The following CWC27 variants were observed in gnomAD, a reference collection of about 807,000 sequenced individuals.
CWC27 encodes the protein CWC27 spliceosome associated cyclophilin.
Under a neutral mutation model 63.6 loss-of-function variants are expected in CWC27, and 47 were observed. The ratio of observed to expected loss-of-function variants is 0.74; its 90% CI spans 0.58 to 0.94. The LOEUF (loss-of-function observed/expected upper bound fraction) is 0.94, where lower values mean the gene tolerates loss of function less well. Ranked by LOEUF, CWC27 falls within the 40% of genes least tolerant of loss-of-function variation. CWC27 has a pLI of 0.00. For missense variants in CWC27, 495 were observed against 554.3 expected, an observed-to-expected ratio of 0.89 and a Z score of 1.07; for synonymous variants, 175 against 179.8, an observed-to-expected ratio of 0.97 and a Z score of 0.22.
intron 11 of CWC27, among the ~76,000 whole-genome samples, chr5:64,962,250 G>T (rs957031745): frequency 4.6e-5 from 7 of 152,042 alleles, no homozygotes; most frequent in Non-Finnish European, 1.0e-4. Flanking sequence ...TAGAAATGCT[G>T]GATAAAATAT....
intron 10 of CWC27, chr5:64,844,780 G>A (rs1389133218): frequency 7.7e-6 from 3 of 387,558 alleles, no homozygotes; most frequent in Non-Finnish European, 1.6e-5. Context: ...GAGAAGCATA[G>A]AGCCTAGACC....
intron 10 of CWC27, among the ~76,000 whole-genome samples, chr5:64,856,289 T>C (rs994074852): frequency 6.6e-6 from 1 of 152,080 alleles, no homozygotes; most frequent in African/African-American, 2.4e-5. Context: ...TTTAGTAGAC[T>C]ATATTTCAAA....
intron 10 of CWC27, among the ~76,000 whole-genome samples, chr5:64,830,073 C>T (rs1372217143): frequency 6.8e-6 from 1 of 146,822 alleles, no homozygotes; most frequent in African/African-American, 2.5e-5. Flanking sequence ...ATGTGCACAA[C>T]GTGCAGGTTT....
chr5:64,869,441 G>T (rs938048273), intron 10 of CWC27, among the ~76,000 whole-genome samples: 1 of 151,998 alleles, frequency 6.6e-6, no homozygotes, highest in Non-Finnish European at 1.5e-5. Flanking sequence ...TGAAGGGTCG[G>T]TCTAGCACAG....
At chr5:64,859,457 A>G (rs74780927) in intron 10 of CWC27, among the ~76,000 whole-genome samples, 2,094 of 152,316 alleles carry the variant, frequency 0.014, 28 homozygotes, top group African/African-American at 0.038. Flanking sequence ...AGTTTTAAAA[A>G]TGTTTCAAAG....
intron 11 of CWC27, among the ~76,000 whole-genome samples, chr5:64,937,197 G>A (rs201320203): frequency 8.5e-5 from 13 of 152,060 alleles, no homozygotes; most frequent in South Asian, 2.1e-4. Flanking sequence ...TTATGGTGTC[G>A]ATTTTAGATC....
At chr5:64,889,352 G>C (rs1473376406) in intron 11 of CWC27, among the ~76,000 whole-genome samples, 1 of 152,076 alleles carries the variant, frequency 6.6e-6, no homozygotes, top group South Asian at 2.1e-4. Context: ...AAAGTTATAT[G>C]GTAACTGTAT....
intron 10 of CWC27, among the ~76,000 whole-genome samples, chr5:64,812,369 A>G (rs1456650281): frequency 2.0e-5 from 3 of 152,142 alleles, no homozygotes; most frequent in Non-Finnish European, 4.4e-5. Context: ...AACTAGGACT[A>G]GAACATTTCT....
chr5:64,817,131 A>G (rs1745059595), intron 10 of CWC27, among the ~76,000 whole-genome samples: 1 of 152,024 alleles, frequency 6.6e-6, no homozygotes, highest in African/African-American at 2.4e-5. Flanking sequence ...CTCACTTTGC[A>G]CCAAGCATAT....
intron 11 of CWC27, among the ~76,000 whole-genome samples, chr5:64,966,850 T>C (rs1749023351): frequency 6.6e-6 from 1 of 152,116 alleles, no homozygotes; most frequent in African/African-American, 2.4e-5. Context: ...TACCATTCTC[T>C]CTATATTTGT....
chr5:64,990,252 TTTTTTTTTTTTTTG>T (rs1328574473), intron 13 of CWC27, among the ~76,000 whole-genome samples: 4 of 83,644 alleles, frequency 4.8e-5, no homozygotes, highest in African/African-American at 1.8e-4. Context: ...TTTTTTTTTG[TTTTTTTTTTTTTTG>T]TTTTTTTTTT....
At chr5:64,826,750 A>T (rs561244861) in intron 10 of CWC27, among the ~76,000 whole-genome samples, 193 of 146,562 alleles carry the variant, frequency 1.3e-3, no homozygotes, top group African/African-American at 4.5e-3. Context: ...TGTTAGTTTC[A>T]TGTCTTCTGC....
chr5:64,916,186 A>G (rs2112384563), intron 11 of CWC27, among the ~76,000 whole-genome samples: 1 of 152,328 alleles, frequency 6.6e-6, no homozygotes, highest in African/African-American at 2.4e-5. Flanking sequence ...GATTTTCCAT[A>G]TTTGCTTAAC....
At chr5:64,904,866 A>G (rs990808782) in intron 11 of CWC27, among the ~76,000 whole-genome samples, 9 of 151,852 alleles carry the variant, frequency 5.9e-5, no homozygotes, top group African/African-American at 2.2e-4. Flanking sequence ...CCTATATGCA[A>G]CCTCGAGATA....
At chr5:64,793,836 T>C (rs1161674667) in intron 7 of CWC27, among the ~76,000 whole-genome samples, 1 of 152,172 alleles carries the variant, frequency 6.6e-6, no homozygotes, top group Non-Finnish European at 1.5e-5. Flanking sequence ...AAGTTAATAA[T>C]TGGTAAAGTC....
chr5:64,968,147 T>G (rs1372360899), intron 11 of CWC27, among the ~76,000 whole-genome samples: 1 of 152,060 alleles, frequency 6.6e-6, no homozygotes, highest in Non-Finnish European at 1.5e-5. Context: ...AAATGTAATA[T>G]CACTTGTCAT....
chr5:64,785,568 A>G lies in CWC27; in HGVS notation c.484A>G (p.Lys162Glu), dbSNP rs1323531999. ...AAGACCACATAATCCACACAAAATAAAAAGCTGTGAGGTAGGAGCATGATT... is the reference window on the plus strand; with the variant it reads ...AAGACCACATAATCCACACAAAATAGAAAGCTGTGAGGTAGGAGCATGATT... ...DERPHNPHKI[K>E]SCEVLFNPFD... The change falls in exon 5 of 14, where the codon AAA becomes GAA. Residue 162 changes from lysine to glutamate, a missense_variant. Around this residue, in one of 3 missense-constraint regions of CWC27, gnomAD observed 463 missense variants for 498.1 expected, o/e 0.93. Transcript: ENST00000381070. 8 of 1,591,296 alleles carry G rather than the reference A, an allele frequency of 5.0e-6. No individual in the cohort carries two copies. Among genetic ancestry groups the G allele is most frequent in the Non-Finnish European group, 2.6e-6 (3 of 1,169,812 alleles).
chr5:64,897,377 C>T (rs1414803069), intron 11 of CWC27, among the ~76,000 whole-genome samples: 1 of 152,154 alleles, frequency 6.6e-6, no homozygotes, highest in East Asian at 1.9e-4. Flanking sequence ...AAATGTGGCA[C>T]ATATACACCA....
chr5:64,911,940 G>A (rs545605032), intron 11 of CWC27, among the ~76,000 whole-genome samples: 4 of 152,126 alleles, frequency 2.6e-5, no homozygotes, highest in Non-Finnish European at 5.9e-5. Context: ...CAACCGTGAT[G>A]GCGGGCACCT....
Sources: allele counts gnomAD v4.1 joint callset (sites outside exome capture counted in the v4.1 genomes callset), GRCh38; gene constraint gnomAD v4.1.1; regional missense constraint gnomAD v4.1.1; transcripts MANE v1.5; gene names NCBI Gene and HGNC (gene_info 2026-07-23, HGNC 2026-07-21).